ATP9A: variants seen among roughly 807,000 people sequenced by gnomAD.
ATP9A encodes ATPase phospholipid transporting 9A.
Under a neutral mutation model 144.1 loss-of-function variants are expected in ATP9A, and 52 were observed. The observed-to-expected ratio is 0.36, with a 90% CI of 0.29 to 0.45. The LOEUF is 0.45. Ranked by LOEUF, ATP9A falls within the 20% of genes least tolerant of loss-of-function variation. The probability of loss-of-function intolerance (pLI) is 1.00; values close to 1 mark genes in which losing one functional copy is unlikely to be tolerated. For synonymous variants in ATP9A, 582 were observed against 557.4 expected (o/e 1.04, Z -0.62); for missense variants, 947 against 1,392.7 (o/e 0.68, Z 5.09).
At chr20:51,700,862 AAGAG>A (rs1288915707) in intron 4 of ATP9A, among the ~76,000 whole-genome samples, 5 of 152,122 alleles carry the variant, frequency 3.3e-5, no homozygotes, top group Admixed American at 3.3e-4. Context: ...GAGCGAAAGA[AAGAG>A]AGAAATGGGT....
intron 22 of ATP9A, 34 bp downstream of exon 22, chr20:51,617,456 G>C: frequency 6.3e-7 from 1 of 1,591,190 alleles, no homozygotes; most frequent in Non-Finnish European, 8.6e-7. Context: ...AGAAACTACA[G>C]CAAGTGGAGC....
intron 14 of ATP9A, among the ~76,000 whole-genome samples, chr20:51,644,964 T>G (rs1291462587): frequency 6.6e-6 from 1 of 152,192 alleles, no homozygotes; most frequent in Non-Finnish European, 1.5e-5. Context: ...CAGAAGTGGC[T>G]TCCAGGGCTG....
rs562688711 is a variant in ATP9A, at chr20:51,609,746, C to T, written c.2636+355G>A. On this transcript the variant is annotated intron_variant, in intron 24 of 27. Coordinates refer to ENST00000338821, the MANE Select transcript of ATP9A (RefSeq NM_006045.3). The stretch of plus-strand genomic sequence containing the variant: ...CCAGGAGGGCATTTTTCAGATCCCC[C>T]ACCCCTTTTTATTAAGACCCCAGTG... Among the ~76,000 whole-genome samples, 3 of 152,312 alleles carry T rather than the reference C, an allele frequency of 2.0e-5. No individual in the cohort carries two copies. In the South Asian group the frequency reaches 6.2e-4, roughly 32 times the overall value.
At chr20:51,676,817 C>A (rs1041405123) in intron 9 of ATP9A, among the ~76,000 whole-genome samples, 1 of 147,526 alleles carries the variant, frequency 6.8e-6, no homozygotes, top group African/African-American at 2.5e-5. Context: ...GGTTTCACCA[C>A]GTTGGCCAGG....
chr20:51,605,143 G>A (rs917930918), intron 26 of ATP9A, 123 bp from the exon 27 acceptor site: 3 of 791,380 alleles, frequency 3.8e-6, no homozygotes, highest in Non-Finnish European at 5.6e-6. Flanking sequence ...TGTTACATGA[G>A]GTTAATGACT....
At chr20:51,693,228 G>A (rs1274046546) in intron 7 of ATP9A, among the ~76,000 whole-genome samples, 2 of 152,252 alleles carry the variant, frequency 1.3e-5, no homozygotes, top group Non-Finnish European at 2.9e-5. Context: ...GAGGTGGGCA[G>A]AAAGAGCCTC....
At chr20:51,601,432 C>G in intron 27 of ATP9A, 85 bp from the exon 28 acceptor site, 1 of 1,373,188 alleles carries the variant, frequency 7.3e-7, no homozygotes, top group Non-Finnish European at 9.7e-7. Context: ...TCACAACTAT[C>G]AAAGGGAAAG....
intron 1 of ATP9A, among the ~76,000 whole-genome samples, chr20:51,758,921 T>C (rs1323948244): frequency 3.3e-5 from 5 of 151,948 alleles, no homozygotes; most frequent in Non-Finnish European, 4.4e-5. Flanking sequence ...GGAGACTCTG[T>C]CTCAAAAAAG....
chr20:51,709,481 T>C (rs1255161224), intron 4 of ATP9A, among the ~76,000 whole-genome samples: 3 of 151,994 alleles, frequency 2.0e-5, no homozygotes, highest in Admixed American at 1.3e-4. Flanking sequence ...CGCCATTGCA[T>C]TCCAGCCTGC....
chr20:51,753,451 AAAAAACAAC>A (rs1217884683), intron 1 of ATP9A, among the ~76,000 whole-genome samples: 3 of 94,840 alleles, frequency 3.2e-5, no homozygotes, highest in Non-Finnish European at 6.1e-5. Flanking sequence ...ACTCCGTCTC[AAAAAACAAC>A]AACAACAACA....
intron 9 of ATP9A, among the ~76,000 whole-genome samples, chr20:51,676,974 C>T (rs981313177): frequency 7.7e-6 from 1 of 130,506 alleles, no homozygotes; most frequent in Non-Finnish European, 1.5e-5. Flanking sequence ...GTTGCCCAGG[C>T]TAGAGTGCAG....
intron 9 of ATP9A, 115 bp from the exon 10 acceptor site, chr20:51,676,323 G>A (rs1459933342): frequency 1.3e-6 from 1 of 758,888 alleles, no homozygotes; most frequent in Non-Finnish European, 2.0e-6. Flanking sequence ...TTTTTTTTGA[G>A]ACAGAGTCTT....
intron 15 of ATP9A, among the ~76,000 whole-genome samples, chr20:51,635,802 G>GAGGAAGGAAGGA (rs1555830936): frequency 0.022 from 1,023 of 46,676 alleles, 62 homozygotes; most frequent in African/African-American, 0.069. Context: ...AGGAGGGGAG[G>GAGGAAGGAAGGA]AGGAAGGAAG....
chr20:51,763,224 C>G (rs186538804), intron 1 of ATP9A, among the ~76,000 whole-genome samples: 1 of 150,708 alleles, frequency 6.6e-6, no homozygotes, highest in Admixed American at 6.6e-5. Context: ...AGGAGACTTT[C>G]GGAGGTGATG....
intron 1 of ATP9A, among the ~76,000 whole-genome samples, chr20:51,741,992 G>A (rs1286024332): frequency 6.6e-6 from 1 of 152,100 alleles, no homozygotes; most frequent in Non-Finnish European, 1.5e-5. Context: ...TAAACTATTT[G>A]TTTAAAATGG....
intron 15 of ATP9A, among the ~76,000 whole-genome samples, chr20:51,634,318 T>C (rs1666082808): frequency 6.6e-6 from 1 of 152,098 alleles, no homozygotes; most frequent in South Asian, 2.1e-4. Context: ...TAGGAGATAA[T>C]GACACTCATT....
chr20:51,673,042 C>T (rs1442500857), intron 11 of ATP9A, among the ~76,000 whole-genome samples: 2 of 152,160 alleles, frequency 1.3e-5, no homozygotes, highest in Admixed American at 6.6e-5. Context: ...TACAGGCCTT[C>T]ACTTTTTTCT....
chr20:51,757,383 C>T (rs1173602375), intron 1 of ATP9A, among the ~76,000 whole-genome samples: 1 of 152,142 alleles, frequency 6.6e-6, no homozygotes, highest in Admixed American at 6.6e-5. Context: ...GCCAGGCCCA[C>T]GGTAGGAGCA....
At position 51,630,481 on chromosome 20, in the gene ATP9A, T is replaced by A. The variant is rs1298110825; in HGVS notation, c.1669-1409A>T. On this transcript the variant is annotated intron_variant, in intron 15 of 27. Coordinates refer to ENST00000338821, the MANE Select transcript of ATP9A (RefSeq NM_006045.3). ...ACTTTGGGAGGCTCAGGTAGGTAGA[T>A]CACCTGAGGTCAGGAGTTCGAGACC... 3.9e-5 allele frequency among the ~76,000 whole-genome samples: 6 copies of A among 152,132 alleles called. No individual in the cohort carries two copies. In the East Asian group the frequency reaches 1.2e-3, roughly 29 times the overall value.
Sources: gnomAD v4.1 joint callset for allele counts (sites outside exome capture counted in the v4.1 genomes callset) on GRCh38, gnomAD v4.1.1 for gene constraint, MANE v1.5 for transcripts, NCBI Gene and HGNC (gene_info 2026-07-23, HGNC 2026-07-21) for gene names.